PHLDB2: variants seen among roughly 807,000 people sequenced by gnomAD.
PHLDB2 encodes the protein pleckstrin homology like domain family B member 2, also known as pleckstrin homology-like domain family B member 2.
A neutral mutation model predicts 123.6 loss-of-function variants in PHLDB2; 71 were observed. That is an observed-to-expected ratio of 0.57 (90% CI 0.47 to 0.70). PHLDB2 has a LOEUF of 0.70. Ranked by LOEUF, PHLDB2 falls within the 30% of genes least tolerant of loss-of-function variation. The pLI is 0.00. For missense variants in PHLDB2, 1,446 were observed against 1,519.5 expected, an observed-to-expected ratio of 0.95 and a Z score of 0.80; for synonymous variants, 547 against 541.6, an observed-to-expected ratio of 1.01 and a Z score of -0.14.
rs184014019 is a variant in PHLDB2 at position 111,946,338 on chromosome 3, A to T, written c.2487+981A>T. 9.5e-4 allele frequency among the ~76,000 whole-genome samples: 145 copies of T among 152,236 alleles called. No individual in the cohort carries two copies. The South Asian group carries it at 0.01, about 11-fold the overall frequency. On this transcript the variant is annotated intron_variant, in intron 9 of 17. Coordinates refer to ENST00000431670, the MANE Select transcript of PHLDB2 (RefSeq NM_001134438.2). ...TGCCCAGCCTATATTTATATTCCTT[A>T]TACTTATTGTTTTTCTAAAAAGCTA...
chr3:111,758,740 A>G (rs910979696), intron 1 of PHLDB2, among the ~76,000 whole-genome samples: 21 of 152,202 alleles, frequency 1.4e-4, no homozygotes, highest in African/African-American at 5.1e-4. Context: ...CTATTCGGCC[A>G]TCTTGGCTCG....
intron 1 of PHLDB2, among the ~76,000 whole-genome samples, chr3:111,790,165 C>G (rs1172692015): frequency 6.6e-6 from 1 of 152,152 alleles, no homozygotes; most frequent in East Asian, 1.9e-4. Flanking sequence ...AATAGGCATA[C>G]TCTGGGTTTT....
intron 10 of PHLDB2, among the ~76,000 whole-genome samples, chr3:111,951,595 A>G (rs2070722528): frequency 6.6e-6 from 1 of 152,132 alleles, no homozygotes; most frequent in African/African-American, 2.4e-5. Context: ...ACTTTACTAT[A>G]TATATTTATG....
intron 1 of PHLDB2, among the ~76,000 whole-genome samples, chr3:111,879,162 G>T (rs1260519401): frequency 1.3e-5 from 2 of 152,202 alleles, no homozygotes; most frequent in Non-Finnish European, 2.9e-5. Context: ...GTAACATTCA[G>T]CTGTGAATCC....
intron 1 of PHLDB2, among the ~76,000 whole-genome samples, chr3:111,863,644 C>T (rs943329755): frequency 1.1e-4 from 17 of 152,158 alleles, no homozygotes; most frequent in Non-Finnish European, 4.4e-5. Context: ...GGTTAGATAG[C>T]GGCAGAATCT....
intron 8 of PHLDB2, among the ~76,000 whole-genome samples, chr3:111,943,547 G>A (rs1348352711): frequency 6.6e-6 from 1 of 151,868 alleles, no homozygotes; most frequent in Non-Finnish European, 1.5e-5. Context: ...AATAATAATA[G>A]CAATACATCA....
At chr3:111,860,137 C>T (rs981937701) in intron 1 of PHLDB2, among the ~76,000 whole-genome samples, 1 of 152,016 alleles carries the variant, frequency 6.6e-6, no homozygotes, top group African/African-American at 2.4e-5. Flanking sequence ...CAACTTTTTC[C>T]AGCAACTCTG....
intron 1 of PHLDB2, among the ~76,000 whole-genome samples, chr3:111,818,467 A>G (rs532530530): frequency 4.5e-4 from 68 of 152,262 alleles, no homozygotes; most frequent in African/African-American, 1.6e-3. Flanking sequence ...CTTCTACTTA[A>G]CTGTATTGTT....
chr3:111,782,671 C>G (rs2060525892), intron 1 of PHLDB2, among the ~76,000 whole-genome samples: 1 of 152,012 alleles, frequency 6.6e-6, no homozygotes, highest in South Asian at 2.1e-4. Flanking sequence ...TCTGTAGTAC[C>G]AAGTACTGAC....
chr3:111,952,518 C>T lies in PHLDB2; in HGVS notation c.2632-54C>T, dbSNP rs540237587. On this transcript the variant is annotated intron_variant, in intron 10 of 17. Coordinates refer to ENST00000431670, the MANE Select transcript of PHLDB2 (RefSeq NM_001134438.2). ...GTGCATAATTCTTCATTTCTTCAGT[C>T]ACCTATTACAGTTAGTCAAGTTTTG... 2.6e-6 allele frequency: 4 copies of T among 1,551,794 alleles called. No individual in the cohort carries two copies. The African/African-American group carries it at 5.6e-5, about 22-fold the overall frequency.
chr3:111,935,650 T>C lies in PHLDB2; in HGVS notation c.2130+3253T>C, dbSNP rs200424216. Among the ~76,000 whole-genome samples the C allele has an allele frequency of 1.8e-4, 27 of 152,262 alleles. No homozygotes were observed. In the East Asian group the frequency reaches 4.2e-3, roughly 24 times the overall value. On this transcript the variant is annotated intron_variant, in intron 6 of 17. Coordinates refer to ENST00000431670, the MANE Select transcript of PHLDB2 (RefSeq NM_001134438.2). ...AGTCCAAGTCTCAAAACTGAAGTAC[T>C]TGGAGTCCAGTGTTCAAGGGCAGGA...
intron 2 of PHLDB2, among the ~76,000 whole-genome samples, chr3:111,910,016 A>G (rs2107491658): frequency 6.6e-6 from 1 of 152,306 alleles, no homozygotes; most frequent in Admixed American, 6.5e-5. Flanking sequence ...GGATGGGTTT[A>G]GGAGATGGAT....
chr3:111,831,075 G>T (rs2063011768), intron 1 of PHLDB2, among the ~76,000 whole-genome samples: 1 of 151,306 alleles, frequency 6.6e-6, no homozygotes, highest in Non-Finnish European at 1.5e-5. Flanking sequence ...AGAGAGAAAA[G>T]AAGGAAGAAA....
chr3:111,791,442 A>G (rs1274569832), intron 1 of PHLDB2, among the ~76,000 whole-genome samples: 1 of 152,168 alleles, frequency 6.6e-6, no homozygotes. Flanking sequence ...TTTATTCTCA[A>G]AAGTATCTTT....
rs555245301 is a variant in PHLDB2 at position 111,894,933 on chromosome 3, T to C, written c.1335+9521T>C. 1.7e-4 allele frequency among the ~76,000 whole-genome samples: 26 copies of C among 150,206 alleles called. No individual in the cohort carries two copies. The South Asian group carries it at 5.5e-3, about 32-fold the overall frequency. On this transcript the variant is annotated intron_variant, in intron 2 of 17. Transcript: ENST00000431670. ...TCTCTCTACAAATTGCTGGTTTGCGTGTGTGTGTGTGTGTGTATGTATGTA... is the reference window on the plus strand; with the variant it reads ...TCTCTCTACAAATTGCTGGTTTGCGCGTGTGTGTGTGTGTGTATGTATGTA...
chr3:111,861,928 G>C (rs938082500), intron 1 of PHLDB2, among the ~76,000 whole-genome samples: 3 of 152,172 alleles, frequency 2.0e-5, no homozygotes, highest in African/African-American at 7.2e-5. Flanking sequence ...TACAACTTCT[G>C]CCTCCTTGGT....
intron 15 of PHLDB2, among the ~76,000 whole-genome samples, chr3:111,969,487 C>G (rs763304736): frequency 4.6e-5 from 7 of 152,198 alleles, no homozygotes; most frequent in Non-Finnish European, 7.3e-5. Context: ...TCTGCCTCTC[C>G]CCTACATATT....
intron 10 of PHLDB2, among the ~76,000 whole-genome samples, chr3:111,950,376 T>G (rs1210283267): frequency 6.6e-6 from 1 of 152,196 alleles, no homozygotes; most frequent in Non-Finnish European, 1.5e-5. Flanking sequence ...AATTTGTGTA[T>G]CTCTTTACAT....
chr3:111,946,711 T>C (rs991471884), intron 9 of PHLDB2, among the ~76,000 whole-genome samples: 1 of 152,242 alleles, frequency 6.6e-6, no homozygotes, highest in Non-Finnish European at 1.5e-5. Context: ...TAAAGAAATA[T>C]GGTCTACTGC....
Sources: allele counts gnomAD v4.1 joint callset (sites outside exome capture counted in the v4.1 genomes callset), GRCh38; gene constraint gnomAD v4.1.1; transcripts MANE v1.5; gene names NCBI Gene and HGNC (gene_info 2026-07-23, HGNC 2026-07-21).